Variants in DPY19L1 observed in about 807,000 individuals in gnomAD.
DPY19L1 encodes the protein dpy-19 like C-mannosyltransferase 1, also known as protein C-mannosyl-transferase DPY19L1.
DPY19L1 carries 35 observed loss-of-function variants against 96.9 expected under a neutral mutation model. The ratio of observed to expected loss-of-function variants is 0.36; its 90% confidence interval spans 0.28 to 0.48. The LOEUF is 0.48. Among genes scored for constraint, DPY19L1 ranks in the 20% least tolerant of loss-of-function variants. The pLI is 0.99. For missense variants in DPY19L1, 521 were observed against 777.9 expected (o/e 0.67, Z 3.93); for synonymous variants, 205 against 252.6 (o/e 0.81, Z 1.79).
At chr7:35,029,846 C>T (rs1023647955) in intron 1 of DPY19L1, among the ~76,000 whole-genome samples, 1 of 152,156 alleles carries the variant, frequency 6.6e-6, no homozygotes, top group African/African-American at 2.4e-5. Flanking sequence ...ATGCCTTAGA[C>T]TTTAGATCTG....
intron 1 of DPY19L1, among the ~76,000 whole-genome samples, chr7:35,022,150 T>C (rs549075504): frequency 2.0e-5 from 3 of 152,328 alleles, no homozygotes; most frequent in African/African-American, 7.2e-5. Flanking sequence ...TTATCGACGT[T>C]TTTGAGAGTG....
At chr7:34,939,023 G>T (rs183810408) in intron 20 of DPY19L1, 1 of 344,860 alleles carries the variant, frequency 2.9e-6, no homozygotes, top group Non-Finnish European at 5.2e-6. Flanking sequence ...CTGTGGGAAA[G>T]TGCTATAGTA....
At chr7:34,989,222 AACAAAAAGTTATCCCT>A (rs1213397316) in intron 7 of DPY19L1, among the ~76,000 whole-genome samples, 1 of 152,224 alleles carries the variant, frequency 6.6e-6, no homozygotes, top group African/African-American at 2.4e-5. Flanking sequence ...TAGTTTCTGC[AACAAAAAGTTATCCCT>A]ACAAAAGAAA....
chr7:34,992,543 C>CTTTTTTTTTTTTTTTTTTTTTTTTT (rs34687334), intron 6 of DPY19L1, among the ~76,000 whole-genome samples: 1 of 133,844 alleles, frequency 7.5e-6, no homozygotes, highest in Non-Finnish European at 1.6e-5. Flanking sequence ...ACCTTCCTGC[C>CTTTTTTTTTTTTTTTTTTTTTTTTT]TTTTTTTTTT....
At chr7:35,032,307 C>T (rs1786278678) in intron 1 of DPY19L1, among the ~76,000 whole-genome samples, 1 of 152,088 alleles carries the variant, frequency 6.6e-6, no homozygotes, top group Non-Finnish European at 1.5e-5. Context: ...GGCCCTTCTA[C>T]ATTCTAGGGG....
intron 1 of DPY19L1, among the ~76,000 whole-genome samples, chr7:35,032,124 G>A (rs146825623): frequency 1.3e-5 from 2 of 152,106 alleles, no homozygotes; most frequent in East Asian, 3.9e-4. Context: ...CTTTTTCCTG[G>A]GGAAGGAAGA....
intron 6 of DPY19L1, among the ~76,000 whole-genome samples, chr7:35,005,678 T>TG (rs1311176435): frequency 4.3e-5 from 6 of 139,186 alleles, no homozygotes; most frequent in Non-Finnish European, 9.2e-5. Context: ...CCAGGTGTGG[T>TG]GGTGCGCGCC....
chr7:34,959,719 T>TG (rs1275308758), intron 10 of DPY19L1, among the ~76,000 whole-genome samples: 2 of 107,680 alleles, frequency 1.9e-5, no homozygotes, highest in East Asian at 4.7e-4. Context: ...TGTTGGGGGC[T>TG]GGGGGGCTAG....
At chr7:35,018,283 ATTTC>A (rs1431274205) in intron 2 of DPY19L1, among the ~76,000 whole-genome samples, 1 of 152,192 alleles carries the variant, frequency 6.6e-6, no homozygotes, top group African/African-American at 2.4e-5. Flanking sequence ...TGAAATTCAT[ATTTC>A]TATCTAGAAG....
intron 7 of DPY19L1, among the ~76,000 whole-genome samples, chr7:34,979,563 T>C (rs527474266): frequency 2.6e-5 from 4 of 152,248 alleles, no homozygotes; most frequent in Non-Finnish European, 4.4e-5. Context: ...CTTGGTAGGA[T>C]TGTTATTGGT....
chr7:34,952,611 G>T (rs1784290273), intron 13 of DPY19L1, among the ~76,000 whole-genome samples: 1 of 152,046 alleles, frequency 6.6e-6, no homozygotes, highest in African/African-American at 2.4e-5. Flanking sequence ...TTCCTCATGA[G>T]TAATAGACGA....
At position 35,037,260 on chromosome 7, in the gene DPY19L1, C is replaced by A; in HGVS notation, c.135G>T (p.Leu45=). The A allele has an allele frequency of 3.3e-6, 1 of 301,848 alleles. No homozygotes were observed. Among genetic ancestry groups the A allele is most frequent in the Non-Finnish European group, 6.1e-6 (1 of 164,946 alleles). 18.7% of individuals were successfully genotyped at this position (301,848 alleles called of 1,614,324 possible). The change falls in exon 1 of 22, where the codon CTG becomes CTT. Residue 45 remains leucine (L), a synonymous_variant. Coordinates refer to ENST00000638088, the MANE Select transcript of DPY19L1 (RefSeq NM_001366673.1). Reference sequence around the variant, plus strand: ...CCGCGGCGCCCTTGCGCCCCGGGGACAGGGGCGCGCGCTCGGGCCCCGGCT... The same window carrying A: ...CCGCGGCGCCCTTGCGCCCCGGGGAAAGGGGCGCGCGCTCGGGCCCCGGCT... ...AGEPGPERAP[L]SPGRKGAAGR...
intron 9 of DPY19L1, among the ~76,000 whole-genome samples, chr7:34,967,403 C>T (rs1186820174): frequency 6.6e-6 from 1 of 152,132 alleles, no homozygotes; most frequent in African/African-American, 2.4e-5. Context: ...TCAATTTCTG[C>T]TTGCTAGTCA....
At chr7:35,008,052 T>C (rs1785607508) in intron 6 of DPY19L1, among the ~76,000 whole-genome samples, 1 of 152,032 alleles carries the variant, frequency 6.6e-6, no homozygotes. Flanking sequence ...GCTTTCCACA[T>C]ACTAGATTTT....
At chr7:34,952,266 T>C (rs1485401980) in intron 13 of DPY19L1, among the ~76,000 whole-genome samples, 2 of 152,048 alleles carry the variant, frequency 1.3e-5, no homozygotes, top group Non-Finnish European at 2.9e-5. Flanking sequence ...GAATTTTAAC[T>C]GACTAAATTT....
At chr7:34,989,644 C>CAAA (rs375852661) in intron 7 of DPY19L1, among the ~76,000 whole-genome samples, 1 of 146,518 alleles carries the variant, frequency 6.8e-6, no homozygotes. Context: ...ACAACAACAA[C>CAAA]AAAAAAAAAA....
chr7:34,993,956 C>T (rs1206446364), intron 6 of DPY19L1, among the ~76,000 whole-genome samples: 1 of 151,876 alleles, frequency 6.6e-6, no homozygotes, highest in Non-Finnish European at 1.5e-5. Context: ...GTCCCAGCTA[C>T]TCAGGAGGCT....
Position 34,969,502 on chromosome 7 carries a change from A to C in DPY19L1, c.945T>G (p.Ile315Met). The C allele has an allele frequency of 6.4e-7, 1 of 1,574,020 alleles. No homozygotes were observed. The highest frequency in any genetic ancestry group is 2.4e-5 in the East Asian group (1 of 42,512). The stretch of plus-strand genomic sequence containing the variant: ...AAAATACATTGGAAATGCAGAGTGC[A>C]ATCAAGCTTCCTCTATAAAGTTTTG... ...RATKLYRGSL[I>M]ALCISNVFFM... The change falls in exon 9 of 22, where the codon ATT becomes ATG. Residue 315 changes from isoleucine (I) to methionine (M), a missense_variant. By Grantham distance (10) the Ile-to-Met change is conservative. Transcript: ENST00000638088.
chr7:35,028,499 A>C (rs1288424577), intron 1 of DPY19L1, among the ~76,000 whole-genome samples: 1 of 152,146 alleles, frequency 6.6e-6, no homozygotes, highest in Admixed American at 6.5e-5. Context: ...TACTCAACGT[A>C]AGTGTTTTGA....
Sources: allele counts gnomAD v4.1 joint callset (sites outside exome capture counted in the v4.1 genomes callset), GRCh38; gene constraint gnomAD v4.1.1; transcripts MANE v1.5; gene names NCBI Gene and HGNC (gene_info 2026-07-23, HGNC 2026-07-21).